Variants in PRELID2 observed in about 807,000 individuals in gnomAD.
PRELID2 encodes the protein PRELI domain-containing protein 2.
Under a neutral mutation model 28.4 loss-of-function variants are expected in PRELID2, and 25 were observed. That is an observed-to-expected ratio of 0.88 (90% CI 0.64 to 1.23). The LOEUF (loss-of-function observed/expected upper bound fraction) is 1.23, where lower values mean the gene tolerates loss of function less well. PRELID2 is among the 50% of genes most tolerant of loss of function. The probability of loss-of-function intolerance (pLI) is 0.00; values close to 1 mark genes in which losing one functional copy is unlikely to be tolerated. For missense variants in PRELID2, 201 were observed against 214.4 expected, an observed-to-expected ratio of 0.94 and a Z score of 0.39; for synonymous variants, 76 against 71.6, an observed-to-expected ratio of 1.06 and a Z score of -0.31.
chr5:145,595,385 T>G (rs748937989), intron 1 of PRELID2, among the ~76,000 whole-genome samples: 9 of 152,084 alleles, frequency 5.9e-5, no homozygotes, highest in Non-Finnish European at 1.0e-4. Context: ...TAAAGGTGGG[T>G]TGTAGTTTGG....
At chr5:145,255,640 G>A in the PRELID2 span, among the ~76,000 whole-genome samples, 1 of 151,806 alleles carries the variant, frequency 6.6e-6, no homozygotes, top group African/African-American at 2.4e-5. Context: ...AACTGGCAAG[G>A]CATGGTGGTG....
At chr5:145,507,222 C>T (rs997475791) in intron 1 of PRELID2, among the ~76,000 whole-genome samples, 11 of 144,478 alleles carry the variant, frequency 7.6e-5, no homozygotes, top group African/African-American at 2.7e-4. Context: ...TGTCTGAATG[C>T]GGGGTGGGAG....
the PRELID2 span, among the ~76,000 whole-genome samples, chr5:145,405,122 T>C: frequency 6.6e-6 from 1 of 152,170 alleles, no homozygotes; most frequent in Non-Finnish European, 1.5e-5. Context: ...AATATCCTGA[T>C]TGGGGAACTC....
At chr5:145,475,662 T>C (rs915586554) in intron 1 of PRELID2, among the ~76,000 whole-genome samples, 4 of 152,226 alleles carry the variant, frequency 2.6e-5, no homozygotes, top group Admixed American at 2.6e-4. Flanking sequence ...GAATAGAGTT[T>C]AGGAACAAGA....
At chr5:145,425,038 A>G in the PRELID2 span, among the ~76,000 whole-genome samples, 1 of 150,988 alleles carries the variant, frequency 6.6e-6, no homozygotes, top group African/African-American at 2.4e-5. Context: ...TCTAATATCC[A>G]GAGTCTACAA....
chr5:145,466,023 G>A, the PRELID2 span, among the ~76,000 whole-genome samples: 1 of 152,156 alleles, frequency 6.6e-6, no homozygotes, highest in East Asian at 1.9e-4. Flanking sequence ...CCTGAGCTGA[G>A]ACGTGTCAGA....
the PRELID2 span, among the ~76,000 whole-genome samples, chr5:145,313,773 C>G: frequency 6.6e-6 from 1 of 152,130 alleles, no homozygotes; most frequent in Non-Finnish European, 1.5e-5. Context: ...ATTACATTAC[C>G]TAACTAGTTT....
the PRELID2 span, among the ~76,000 whole-genome samples, chr5:145,286,307 A>G: frequency 6.6e-6 from 1 of 152,164 alleles, no homozygotes; most frequent in Non-Finnish European, 1.5e-5. Context: ...ACTTACCACT[A>G]TGCTTGTTAT....
intron 1 of PRELID2, among the ~76,000 whole-genome samples, chr5:145,509,667 T>C (rs1030881374): frequency 1.3e-5 from 2 of 152,232 alleles, no homozygotes; most frequent in African/African-American, 4.8e-5. Flanking sequence ...TTTCCCAAGC[T>C]CTTAGGATAG....
At chr5:145,696,156 C>CT (rs10591669) in intron 1 of PRELID2, among the ~76,000 whole-genome samples, 50 of 59,950 alleles carry the variant, frequency 8.3e-4, no homozygotes, top group South Asian at 4.7e-3. Context: ...TAAATAATAG[C>CT]TTTTTTTTTT....
chr5:145,639,547 T>C (rs1037802227), intron 1 of PRELID2, among the ~76,000 whole-genome samples: 14 of 152,348 alleles, frequency 9.2e-5, no homozygotes, highest in Non-Finnish European at 1.8e-4. Context: ...GATTATACTC[T>C]GGATCCACTG....
At chr5:145,732,596 C>G (rs1756376616) in intron 1 of PRELID2, among the ~76,000 whole-genome samples, 1 of 152,134 alleles carries the variant, frequency 6.6e-6, no homozygotes, top group African/African-American at 2.4e-5. Flanking sequence ...TCACATGAGC[C>G]TGACATTCAC....
At chr5:145,737,576 C>A (rs368845255) in intron 1 of PRELID2, among the ~76,000 whole-genome samples, 2 of 152,246 alleles carry the variant, frequency 1.3e-5, no homozygotes. Flanking sequence ...AAGCTGGCAG[C>A]CTGAAAACAG....
At chr5:145,450,615 G>C in the PRELID2 span, 2 of 152,238 alleles carry the variant, frequency 1.3e-5, no homozygotes, top group East Asian at 1.9e-4. Context: ...CCACTTCACT[G>C]TTATAAATGC....
the PRELID2 span, among the ~76,000 whole-genome samples, chr5:145,233,599 G>A: frequency 6.6e-6 from 1 of 152,142 alleles, no homozygotes; most frequent in East Asian, 1.9e-4. Flanking sequence ...TGAGAAGATA[G>A]AGCAGACTTG....
chr5:145,305,442 A>T, the PRELID2 span, among the ~76,000 whole-genome samples: 1 of 152,180 alleles, frequency 6.6e-6, no homozygotes, highest in African/African-American at 2.4e-5. Context: ...AGAAGATTGT[A>T]GGTCAATTTT....
At chr5:145,301,888 T>A in the PRELID2 span, among the ~76,000 whole-genome samples, 1 of 151,688 alleles carries the variant, frequency 6.6e-6, no homozygotes, top group South Asian at 2.1e-4. Context: ...TTTTATTAAT[T>A]CTTGAAAGCA....
At chr5:145,730,564 T>C (rs1314405862) in intron 1 of PRELID2, among the ~76,000 whole-genome samples, 1 of 152,210 alleles carries the variant, frequency 6.6e-6, no homozygotes, top group African/African-American at 2.4e-5. Context: ...GCAAGTTTGT[T>C]ACCTGTGAGT....
chr5:145,527,401 C>A (rs1752617437), intron 1 of PRELID2, among the ~76,000 whole-genome samples: 1 of 152,120 alleles, frequency 6.6e-6, no homozygotes, highest in African/African-American at 2.4e-5. Context: ...AGTCAGGGAA[C>A]CTGGGTTAAG....
Sources: gnomAD v4.1 joint callset for allele counts (sites outside exome capture counted in the v4.1 genomes callset) on GRCh38, gnomAD v4.1.1 for gene constraint, MANE v1.5 for transcripts, NCBI Gene and HGNC (gene_info 2026-07-23, HGNC 2026-07-21) for gene names.